Variants in LRIG1 observed in about 807,000 individuals in gnomAD.
The protein encoded by LRIG1 is leucine rich repeats and immunoglobulin like domains 1.
Under a neutral mutation model 99.2 loss-of-function variants are expected in LRIG1, and 48 were observed. The ratio of observed to expected loss-of-function variants is 0.48; its 90% confidence interval spans 0.38 to 0.62. The LOEUF (loss-of-function observed/expected upper bound fraction) is 0.62, where lower values mean the gene tolerates loss of function less well. Among genes scored for constraint, LRIG1 ranks in the 20% least tolerant of loss-of-function variants. The probability of loss-of-function intolerance (pLI) is 0.00; values close to 1 mark genes in which losing one functional copy is unlikely to be tolerated. For missense variants in LRIG1, 1,646 were observed against 1,434.4 expected (o/e 1.15, Z -2.38); for synonymous variants, 772 against 596.1 (o/e 1.29, Z -4.30).
intron 13 of LRIG1, among the ~76,000 whole-genome samples, chr3:66,385,597 C>T (rs546869502): frequency 6.6e-6 from 1 of 152,288 alleles, no homozygotes; most frequent in South Asian, 2.1e-4. Context: ...GGATTACAGG[C>T]ATGTGCCACC....
chr3:66,405,108 C>G, intron 9 of LRIG1, 90 bp downstream of exon 9: 1 of 1,141,000 alleles, frequency 8.8e-7, no homozygotes, highest in Non-Finnish European at 1.3e-6. Context: ...GGGCCCAGAG[C>G]AGAGAGGCGC....
At chr3:66,431,153 T>C (rs1385931644) in intron 3 of LRIG1, among the ~76,000 whole-genome samples, 1 of 152,196 alleles carries the variant, frequency 6.6e-6, no homozygotes, top group Admixed American at 6.5e-5. Context: ...TGAACCCCTC[T>C]GATTTCCCTT....
intron 3 of LRIG1, among the ~76,000 whole-genome samples, chr3:66,429,987 G>A (rs1243414136): frequency 2.0e-5 from 3 of 152,064 alleles, no homozygotes; most frequent in South Asian, 2.1e-4. Flanking sequence ...ACCGCACACC[G>A]GCTAGGAATT....
At chr3:66,382,547 G>T (rs756418736) in intron 15 of LRIG1, 149 bp from the exon 16 acceptor site, 1 of 889,612 alleles carries the variant, frequency 1.1e-6, no homozygotes, top group Non-Finnish European at 1.8e-6. Flanking sequence ...GTACGCAACA[G>T]GCCCTCCCAG....
At chr3:66,412,613 T>C (rs1374871580) in intron 6 of LRIG1, among the ~76,000 whole-genome samples, 2 of 152,170 alleles carry the variant, frequency 1.3e-5, no homozygotes, top group Admixed American at 1.3e-4. Context: ...TCTTGAAGAA[T>C]CCTTCAGGAG....
chr3:66,380,984 A>C, intron 17 of LRIG1, 123 bp from the exon 18 acceptor site: 1 of 937,506 alleles, frequency 1.1e-6, no homozygotes. Flanking sequence ...CACTGTATGC[A>C]TGCTTCCTCT....
At chr3:66,449,306 A>G (rs1177653762) in intron 3 of LRIG1, among the ~76,000 whole-genome samples, 1 of 152,180 alleles carries the variant, frequency 6.6e-6, no homozygotes, top group Non-Finnish European at 1.5e-5. Flanking sequence ...AACCAAGATA[A>G]AGCCCCTTCG....
Position 66,398,889 on chromosome 3 carries a change from T to G in LRIG1, c.1232+81A>C, listed in dbSNP as rs535353751. The G allele has an allele frequency of 1.6e-4, 181 of 1,124,428 alleles. 3 individuals carry two copies. In the South Asian group the frequency reaches 2.2e-3, roughly 14 times the overall value. The allele number at this position is 1,124,428 out of a possible 1,614,324, so 69.7% of individuals were successfully genotyped here. A position where few individuals can be genotyped will look rare whatever the true frequency, so the allele number is the denominator to read the frequency against. ...TAGCCTGTTTCTCAGTTTACAAAGA[T>G]GCGATTAAATTGCTAGCAGAACTCC... On this transcript the variant is annotated intron_variant, in intron 10 of 18. Transcript: ENST00000273261.
rs930722937 is a variant in LRIG1, at chr3:66,412,738, G to C, written c.791+133C>G. ...CACCCCACACCACACAGCAATGCTG[G>C]TGTGGGCGCACACACCCAACACACA... On this transcript the variant is annotated intron_variant, in intron 6 of 18. Transcript: ENST00000273261. 14 of 997,056 alleles carry C rather than the reference G, an allele frequency of 1.4e-5. No individual in the cohort carries two copies. In the African/African-American group the frequency reaches 1.4e-4, roughly 10 times the overall value. 61.8% of individuals were successfully genotyped at this position (997,056 alleles called of 1,614,324 possible).
At chr3:66,428,483 A>AC (rs1462912544) in intron 3 of LRIG1, among the ~76,000 whole-genome samples, 1 of 151,738 alleles carries the variant, frequency 6.6e-6, no homozygotes, top group Non-Finnish European at 1.5e-5. Context: ...TCACAAAAAA[A>AC]AAAGAATAAT....
intron 3 of LRIG1, among the ~76,000 whole-genome samples, chr3:66,430,192 A>ACAAC (rs202181123): frequency 1.5e-5 from 1 of 65,392 alleles, no homozygotes; most frequent in Non-Finnish European, 2.7e-5. Flanking sequence ...AACAACAACA[A>ACAAC]AAAAAAAACA....
intron 16 of LRIG1, among the ~76,000 whole-genome samples, chr3:66,381,878 C>A (rs1481438674): frequency 2.0e-5 from 3 of 152,144 alleles, no homozygotes; most frequent in African/African-American, 7.2e-5. Context: ...TCAGAGGCCC[C>A]CACCGTTGGA....
rs950168764 is a variant in LRIG1, at chr3:66,400,644, C to T, written c.1161-1603G>A. 2.6e-5 allele frequency among the ~76,000 whole-genome samples: 4 copies of T among 152,098 alleles called. No homozygotes were observed. The South Asian group carries it at 8.3e-4, about 32-fold the overall frequency. ...TCTCACCTAGCATCGGGGAAGAGAC[C>T]GGACTAGAAGCCATCTCCACCTTCA... On this transcript the variant is annotated intron_variant, in intron 9 of 18. Transcript: ENST00000273261.
chr3:66,458,120 A>C (rs1437140404), intron 2 of LRIG1, among the ~76,000 whole-genome samples: 1 of 152,070 alleles, frequency 6.6e-6, no homozygotes. Flanking sequence ...AACTCCTTTT[A>C]TTTTTATTAC....
chr3:66,382,392 G>C lies in LRIG1; in HGVS notation c.2498C>G (p.Thr833Ser). 6.2e-7 allele frequency: 1 copy of C among 1,614,200 alleles called. No individual in the cohort carries two copies. The highest frequency in any genetic ancestry group is 8.5e-7 in the Non-Finnish European group (1 of 1,180,026). The change falls in exon 16 of 19, where the codon ACC becomes AGC. Residue 833 changes from threonine to serine, a missense_variant. Transcript: ENST00000273261. ...EEYSVTNTDE[T>S]VVPPDVPSYL... is the part of the protein sequence containing the mutation. ...GCTTGGAACATCTGGTGGCACGACG[G>C]TTTCATCTGCAAGGAGACAGAACAA...
At chr3:66,490,388 T>C (rs1322046580) in intron 1 of LRIG1, among the ~76,000 whole-genome samples, 1 of 152,220 alleles carries the variant, frequency 6.6e-6, no homozygotes, top group Non-Finnish European at 1.5e-5. Flanking sequence ...CTCTTCTGAC[T>C]GTTTATAAGT....
intron 7 of LRIG1, among the ~76,000 whole-genome samples, chr3:66,408,962 G>GTGTGTGTGTGTGTGTGT (rs1553715390): frequency 9.1e-4 from 94 of 103,070 alleles, no homozygotes; most frequent in East Asian, 7.3e-3. Flanking sequence ...GTGTGTGTGT[G>GTGTGTGTGTGTGTGTGT]GTGGGGGGAG....
chr3:66,402,286 A>G (rs1434830691), intron 9 of LRIG1, among the ~76,000 whole-genome samples: 3 of 152,156 alleles, frequency 2.0e-5, no homozygotes, highest in Admixed American at 2.0e-4. Flanking sequence ...CGGGAACCGC[A>G]CAACCATTTG....
At chr3:66,490,673 T>G (rs1331112563) in intron 1 of LRIG1, among the ~76,000 whole-genome samples, 1 of 152,094 alleles carries the variant, frequency 6.6e-6, no homozygotes, top group East Asian at 1.9e-4. Flanking sequence ...TGGAGCGTGC[T>G]TCCACTTTTC....
Sources: gnomAD v4.1 joint callset for allele counts (sites outside exome capture counted in the v4.1 genomes callset) on GRCh38, gnomAD v4.1.1 for gene constraint, MANE v1.5 for transcripts, NCBI Gene and HGNC (gene_info 2026-07-23, HGNC 2026-07-21) for gene names.